Variants in INVS observed in about 807,000 individuals in gnomAD.
INVS encodes inversion of embryo turning homolog.
INVS carries 86 observed loss-of-function variants against 108.8 expected under a neutral mutation model. The ratio of observed to expected loss-of-function variants is 0.79; its 90% CI spans 0.66 to 0.95. The LOEUF is 0.95. Ranked by LOEUF, INVS falls within the 40% of genes least tolerant of loss-of-function variation. INVS has a pLI of 0.00. For missense variants in INVS, 1,169 were observed against 1,297.4 expected, an observed-to-expected ratio of 0.90 and a Z score of 1.52; for synonymous variants, 455 against 473.5, an observed-to-expected ratio of 0.96 and a Z score of 0.51.
chr9:100,126,019 C>T (rs1228041621), intron 2 of INVS, among the ~76,000 whole-genome samples: 6 of 152,144 alleles, frequency 3.9e-5, no homozygotes, highest in South Asian at 2.1e-4. Flanking sequence ...ATAAAACATA[C>T]CACAATGCCT....
intron 3 of INVS, among the ~76,000 whole-genome samples, chr9:100,209,603 T>C (rs1275293877): frequency 6.6e-6 from 1 of 151,950 alleles, no homozygotes; most frequent in Non-Finnish European, 1.5e-5. Context: ...ACCCTGTCTC[T>C]ACTAAAAATA....
chr9:100,272,925 G>C lies in INVS; in HGVS notation c.1633G>C (p.Glu545Gln), dbSNP rs1832999935. The C allele has an allele frequency of 1.9e-6, 3 of 1,613,920 alleles. No individual in the cohort carries two copies. The highest frequency in any genetic ancestry group is 2.5e-6 in the Non-Finnish European group (3 of 1,180,024). ...ERHEVIQFML[E>Q]HGALSIAAIQ... ...CCATGAAGTGATCCAGTTCATGTTG[G>C]AGCACGGTGCCCTGTCCATCGCAGC... Residue 545 changes from glutamate (E) to glutamine (Q), a missense_variant, in exon 12 of 17, where the codon GAG (glutamate) becomes CAG (glutamine). Coordinates refer to ENST00000262457, the MANE Select transcript of INVS (RefSeq NM_014425.5).
intron 13 of INVS, among the ~76,000 whole-genome samples, chr9:100,288,582 C>T (rs756136237): frequency 8.6e-5 from 13 of 151,702 alleles, no homozygotes; most frequent in Non-Finnish European, 1.8e-4. Flanking sequence ...TATGTACCAC[C>T]TCAAATATTT....
rs547469156 is a variant in INVS at position 100,135,233 on chromosome 9, G to A, written c.273+8684G>A. ...ATTTGTAGGGAAGGTAAGGGAGGAC[G>A]GAACCAAGAATGGTTCCTGACCTAG... On this transcript the variant is annotated intron_variant, in intron 3 of 16. Coordinates refer to ENST00000262457, the MANE Select transcript of INVS (RefSeq NM_014425.5). 1.1e-4 allele frequency among the ~76,000 whole-genome samples: 17 copies of A among 152,190 alleles called. No individual in the cohort carries two copies. The South Asian group carries it at 2.1e-3, about 19-fold the overall frequency.
intron 2 of INVS, among the ~76,000 whole-genome samples, chr9:100,108,778 C>T (rs1018680809): frequency 1.3e-5 from 2 of 152,184 alleles, no homozygotes; most frequent in Non-Finnish European, 2.9e-5. Context: ...TCTACATACA[C>T]AACGAATTAA....
intron 15 of INVS, 115 bp from the exon 16 acceptor site, chr9:100,297,816 CTAACT>C (rs1361704970): frequency 1.0e-6 from 1 of 999,584 alleles, no homozygotes; most frequent in Non-Finnish European, 1.6e-6. Context: ...CACACCATAC[CTAACT>C]TATCTTGACA....
At chr9:100,262,159 A>G (rs892760813) in intron 10 of INVS, among the ~76,000 whole-genome samples, 8 of 151,636 alleles carry the variant, frequency 5.3e-5, no homozygotes, top group African/African-American at 1.7e-4. Flanking sequence ...GTCTATGTTT[A>G]TGAGAGAGAT....
chr9:100,144,250 A>T (rs911929999), intron 3 of INVS, among the ~76,000 whole-genome samples: 2 of 152,056 alleles, frequency 1.3e-5, no homozygotes, highest in African/African-American at 4.8e-5. Flanking sequence ...TGGCTGGGAT[A>T]TGTCTCACAG....
chr9:100,100,692 A>T (rs1246797783), intron 1 of INVS, among the ~76,000 whole-genome samples: 1 of 1,676 alleles, frequency 6.0e-4, no homozygotes, highest in East Asian at 0.033. Context: ...TATATATATT[A>T]TATATGTACA....
At chr9:100,173,780 C>A (rs1025722533) in intron 3 of INVS, among the ~76,000 whole-genome samples, 1 of 152,002 alleles carries the variant, frequency 6.6e-6, no homozygotes, top group Non-Finnish European at 1.5e-5. Flanking sequence ...CAGAGAAATT[C>A]ATATAAGGGA....
chr9:100,164,636 G>A (rs1223327533), intron 3 of INVS, among the ~76,000 whole-genome samples: 2 of 151,876 alleles, frequency 1.3e-5, no homozygotes, highest in Non-Finnish European at 2.9e-5. Context: ...ATTTCTAAGA[G>A]GAAATGACCT....
intron 13 of INVS, 108 bp from the exon 14 acceptor site, chr9:100,292,218 C>A (rs1430285338): frequency 2.0e-6 from 2 of 1,003,470 alleles, no homozygotes; most frequent in African/African-American, 1.6e-5. Flanking sequence ...GTAACTGCCA[C>A]TATTATGGTG....
intron 14 of INVS, among the ~76,000 whole-genome samples, chr9:100,295,062 T>C (rs778696223): frequency 1.3e-5 from 2 of 152,194 alleles, no homozygotes; most frequent in Non-Finnish European, 2.9e-5. Context: ...CTGTGGGACA[T>C]GCACTGGCTA....
intron 3 of INVS, among the ~76,000 whole-genome samples, chr9:100,223,585 T>G (rs1469428257): frequency 2.6e-5 from 4 of 152,162 alleles, no homozygotes; most frequent in Non-Finnish European, 5.9e-5. Flanking sequence ...GAGCTCACAC[T>G]GAAGAGAAAC....
In INVS at chr9:100,296,981, G is replaced by A. The variant is rs1833809920; in HGVS notation, c.2851G>A (p.Asp951Asn). 2 of 1,613,958 alleles carry A rather than the reference G, an allele frequency of 1.2e-6. No homozygotes were observed. Among genetic ancestry groups the A allele is most frequent in the Non-Finnish European group, 1.7e-6 (2 of 1,180,014 alleles). Residue 951 changes from aspartate (D) to asparagine (N), a missense_variant, in exon 15 of 17, where the codon GAC becomes AAC. Asp to Asn is a conservative substitution (Grantham distance 23, BLOSUM62 1). This residue lies in a region of INVS where 533 missense variants were observed against 536.0 expected (regional missense o/e 0.99). Transcript: ENST00000262457. ...HMKQLGAGDV[D>N]RWRQESTALL... is the part of the protein sequence containing the mutation. The stretch of plus-strand genomic sequence containing the variant: ...GAAGCAGCTTGGAGCTGGAGATGTG[G>A]ACAGATGGAGGCAAGAGTCTACAGC...
chr9:100,249,311 G>A (rs1832147242), intron 8 of INVS, among the ~76,000 whole-genome samples: 2 of 152,086 alleles, frequency 1.3e-5, no homozygotes, highest in Non-Finnish European at 2.9e-5. Flanking sequence ...GCTACATTTA[G>A]TTTTAAGGTG....
chr9:100,144,035 G>A (rs1052176178), intron 3 of INVS, among the ~76,000 whole-genome samples: 17 of 152,214 alleles, frequency 1.1e-4, no homozygotes, highest in African/African-American at 4.1e-4. Context: ...TCTGGGAGTG[G>A]CTGCCAGGTG....
intron 3 of INVS, among the ~76,000 whole-genome samples, chr9:100,177,790 G>T (rs564757444): frequency 5.3e-5 from 8 of 152,214 alleles, no homozygotes; most frequent in Non-Finnish European, 1.0e-4. Context: ...GGGAAAGACT[G>T]CCTCTTCAAG....
chr9:100,100,975 A>T (rs1226232536), intron 1 of INVS, among the ~76,000 whole-genome samples: 1 of 75,180 alleles, frequency 1.3e-5, no homozygotes. Context: ...AATATATATT[A>T]TATATATAAT....
Sources: gnomAD v4.1 joint callset for allele counts (sites outside exome capture counted in the v4.1 genomes callset) on GRCh38, gnomAD v4.1.1 for gene constraint, gnomAD v4.1.1 regional missense constraint, MANE v1.5 for transcripts, NCBI Gene and HGNC (gene_info 2026-07-23, HGNC 2026-07-21) for gene names.